Variants in TEAD4 observed in about 807,000 individuals in gnomAD.
TEAD4 encodes the protein transcriptional enhancer factor TEF-3.
TEAD4 carries 36 observed loss-of-function variants against 52.4 expected under a neutral mutation model. The observed-to-expected ratio is 0.69, with a 90% CI of 0.53 to 0.91. TEAD4 has a LOEUF of 0.91. Among genes scored for constraint, TEAD4 ranks in the 40% least tolerant of loss-of-function variants. TEAD4 has a pLI of 0.00. For missense variants in TEAD4, 508 were observed against 583.9 expected (o/e 0.87, Z 1.34); for synonymous variants, 220 against 231.0 (o/e 0.95, Z 0.43).
At chr12:3,010,527 C>A (rs1449719765) in intron 3 of TEAD4, among the ~76,000 whole-genome samples, 1 of 152,250 alleles carries the variant, frequency 6.6e-6, no homozygotes, top group African/African-American at 2.4e-5. Context: ...CCGCTGCTGC[C>A]TGCAGACAGG....
At chr12:2,960,644 C>G (rs2098214523) in intron 2 of TEAD4, among the ~76,000 whole-genome samples, 2 of 152,120 alleles carry the variant, frequency 1.3e-5, no homozygotes, top group African/African-American at 4.8e-5. Flanking sequence ...GTGTGGCTCA[C>G]CTTGGCTTCC....
intron 4 of TEAD4, 49 bp downstream of exon 4, chr12:3,011,117 C>G: frequency 6.2e-7 from 1 of 1,605,494 alleles, no homozygotes; most frequent in Non-Finnish European, 8.5e-7. Flanking sequence ...ACCCCAGCAC[C>G]AGTCTGCTCC....
intron 2 of TEAD4, among the ~76,000 whole-genome samples, chr12:2,960,884 CTG>C (rs1160362382): frequency 1.6e-4 from 24 of 152,166 alleles, no homozygotes; most frequent in African/African-American, 5.3e-4. Flanking sequence ...GATAATTTGA[CTG>C]TGGTTTTGGA....
In TEAD4 at chr12:2,992,757, G is replaced by A. The variant is rs1348552893; in HGVS notation, c.-29-1981G>A. 3.9e-5 allele frequency among the ~76,000 whole-genome samples: 6 copies of A among 152,090 alleles called. No homozygotes were observed. In the East Asian group the frequency reaches 1.2e-3, roughly 29 times the overall value. ...CGGTGGCTGGGATGGGGAGAAGTTG[G>A]GGGCTCTGCGAGGGCTGTGGGAGGT... is the stretch of plus-strand genomic sequence containing the variant. On this transcript the variant is annotated intron_variant, in intron 2 of 12. Coordinates refer to ENST00000359864, the MANE Select transcript of TEAD4 (RefSeq NM_003213.4).
At position 2,991,192 on chromosome 12, in the gene TEAD4, C is replaced by T. The variant is rs148329069; in HGVS notation, c.-29-3546C>T. On this transcript the variant is annotated intron_variant, in intron 2 of 12. Transcript: ENST00000359864. ...TCAGCCTGGGCAACAGAGCAAGACACTGTCTCTAAAAAATAAAAAATAATA... is the reference window on the plus strand; with the variant it reads ...TCAGCCTGGGCAACAGAGCAAGACATTGTCTCTAAAAAATAAAAAATAATA... Among the ~76,000 whole-genome samples the T allele has an allele frequency of 6.1e-3, 927 of 152,194 alleles. 9 individuals carry two copies. The highest frequency in any genetic ancestry group is 0.014 in the Admixed American group (210 of 15,284).
intron 11 of TEAD4, among the ~76,000 whole-genome samples, chr12:3,038,884 A>G (rs1308925452): frequency 6.6e-6 from 1 of 152,188 alleles, no homozygotes; most frequent in Admixed American, 6.5e-5. Context: ...AGGAGCTGGG[A>G]CTGAAGGCCT....
chr12:2,965,289 C>G (rs2098219304), intron 2 of TEAD4, among the ~76,000 whole-genome samples: 1 of 151,612 alleles, frequency 6.6e-6, no homozygotes, highest in Non-Finnish European at 1.5e-5. Flanking sequence ...ACCTGAGTAG[C>G]TGGGACTACA....
intron 5 of TEAD4, among the ~76,000 whole-genome samples, chr12:3,015,679 G>T (rs2098263961): frequency 6.6e-6 from 1 of 152,172 alleles, no homozygotes; most frequent in African/African-American, 2.4e-5. Context: ...TTGTGTTTTA[G>T]AGACTCCACT....
chr12:2,986,295 G>T (rs971001005), intron 2 of TEAD4, among the ~76,000 whole-genome samples: 1 of 151,532 alleles, frequency 6.6e-6, no homozygotes, highest in Non-Finnish European at 1.5e-5. Flanking sequence ...CCTGCCTGAG[G>T]CTGTTTTACA....
intron 6 of TEAD4, 124 bp from the exon 7 acceptor site, chr12:3,018,421 C>G (rs144370174): frequency 9.0e-7 from 1 of 1,105,714 alleles, no homozygotes; most frequent in African/African-American, 1.5e-5. Flanking sequence ...ACTAGCTAGG[C>G]GAGGCCTCGG....
intron 2 of TEAD4, among the ~76,000 whole-genome samples, chr12:2,985,656 CCAT>C (rs1454514670): frequency 6.6e-6 from 1 of 151,382 alleles, no homozygotes; most frequent in East Asian, 2.1e-4. Flanking sequence ...TAGGTGCGCA[CCAT>C]CATGCCTGGC....
intron 2 of TEAD4, among the ~76,000 whole-genome samples, chr12:2,987,387 T>C (rs1222418210): frequency 6.6e-6 from 1 of 151,484 alleles, no homozygotes. Context: ...GCTTCTTCCA[T>C]GTGTTTTCAG....
intron 12 of TEAD4, 34 bp from the exon 13 acceptor site, chr12:3,040,331 G>T (rs1269818620): frequency 6.2e-7 from 1 of 1,613,956 alleles, no homozygotes; most frequent in Non-Finnish European, 8.5e-7. Context: ...CCCTTCTGGG[G>T]CCTTATTAAC....
rs1028260711 is a variant in TEAD4 at position 3,038,188 on chromosome 12, G to A, written c.1038+80G>A. On this transcript the variant is annotated intron_variant, in intron 11 of 12. Transcript: ENST00000359864. ...GCATGGCTTCCATTTGCTTTCAGGA[G>A]GAATGCCCTCCGTTAGGGAGCCAGG... is the stretch of plus-strand genomic sequence containing the variant. 37 of 1,530,570 alleles carry A rather than the reference G, an allele frequency of 2.4e-5. No homozygotes were observed. In the South Asian group the frequency reaches 3.0e-4, roughly 12 times the overall value. The allele number at this position is 1,530,570 out of a possible 1,614,324, so 94.8% of individuals were successfully genotyped here. A position where few individuals can be genotyped will look rare whatever the true frequency, so the allele number is the denominator to read the frequency against.
At chr12:2,997,395 G>C (rs369415787) in intron 3 of TEAD4, among the ~76,000 whole-genome samples, 18 of 152,300 alleles carry the variant, frequency 1.2e-4, no homozygotes, top group Middle Eastern at 3.4e-3. Flanking sequence ...GAGCACCTGG[G>C]GGTGCCTGGT....
At chr12:2,982,862 C>T (rs972718635) in intron 2 of TEAD4, among the ~76,000 whole-genome samples, 1 of 152,162 alleles carries the variant, frequency 6.6e-6, no homozygotes, top group African/African-American at 2.4e-5. Context: ...TGGTTCTCCC[C>T]AGGTGTGTGT....
chr12:3,034,449 G>T (rs548575265), intron 10 of TEAD4, among the ~76,000 whole-genome samples: 250 of 152,232 alleles, frequency 1.6e-3, no homozygotes, highest in Middle Eastern at 6.8e-3. Flanking sequence ...TATCTGGAAG[G>T]GGGCAAGGAC....
intron 11 of TEAD4, 149 bp downstream of exon 11, chr12:3,038,257 C>A: frequency 9.6e-7 from 1 of 1,037,298 alleles, no homozygotes; most frequent in Non-Finnish European, 1.4e-6. Flanking sequence ...GTGCTGTGTG[C>A]CTCCCACACT....
intron 2 of TEAD4, among the ~76,000 whole-genome samples, chr12:2,984,943 A>G (rs2098236891): frequency 6.6e-6 from 1 of 152,216 alleles, no homozygotes; most frequent in African/African-American, 2.4e-5. Context: ...ACTCTACACT[A>G]GGACATTACT....
Sources: gnomAD v4.1 joint callset for allele counts (sites outside exome capture counted in the v4.1 genomes callset) on GRCh38, gnomAD v4.1.1 for gene constraint, MANE v1.5 for transcripts, NCBI Gene and HGNC (gene_info 2026-07-23, HGNC 2026-07-21) for gene names.